Variants in TMEM230 observed in about 807,000 individuals in gnomAD.
TMEM230 encodes UPF0414 transmembrane protein C20orf30.
Under a neutral mutation model 15.8 loss-of-function variants are expected in TMEM230, and 10 were observed. That is an observed-to-expected ratio of 0.63 (90% CI 0.39 to 1.07). The LOEUF (loss-of-function observed/expected upper bound fraction) is 1.07. Among genes scored for constraint, TMEM230 ranks in the 50% least tolerant of loss-of-function variants. TMEM230 has a pLI of 0.01. For synonymous variants in TMEM230, 67 were observed against 76.9 expected, an observed-to-expected ratio of 0.87 and a Z score of 0.68; for missense variants, 165 against 193.3, an observed-to-expected ratio of 0.85 and a Z score of 0.87.
chr20:5,069,391 G>T, intron 3 of TMEM230: 1 of 1,506,740 alleles, frequency 6.6e-7, no homozygotes, highest in African/African-American at 1.4e-5. Context: ...CACAAGTTCT[G>T]CCTCTTCAAC....
chr20:5,095,471 C>T (rs2089639907), downstream of TMEM230, among the ~76,000 whole-genome samples: 1 of 152,194 alleles, frequency 6.6e-6, no homozygotes, highest in Non-Finnish European at 1.5e-5. Flanking sequence ...ATGATCTTCA[C>T]AAAGTCTTCC....
At chr20:5,064,047 A>T (rs948161495), downstream of TMEM230, among the ~76,000 whole-genome samples, 9 of 151,992 alleles carry the variant, frequency 5.9e-5, no homozygotes, top group African/African-American at 1.9e-4. Flanking sequence ...CAGGTGGATC[A>T]CCTGAGGTCA....
intron 3 of TMEM230, among the ~76,000 whole-genome samples, chr20:5,091,277 A>G (rs755819340): frequency 3.3e-5 from 5 of 151,938 alleles, no homozygotes; most frequent in Non-Finnish European, 7.4e-5. Flanking sequence ...CTGGAGTGCA[A>G]TGGGCTCACG....
At chr20:5,109,503 G>A in intron 2 of TMEM230, 58 bp from the exon 2 acceptor site, 1 of 1,324,168 alleles carries the variant, frequency 7.6e-7, no homozygotes, top group East Asian at 2.4e-5. Flanking sequence ...GTGCATTATA[G>A]CCAATGAGTT....
chr20:5,071,631 A>C (rs1042878857), intron 3 of TMEM230, among the ~76,000 whole-genome samples: 8 of 12,856 alleles, frequency 6.2e-4, no homozygotes, highest in Non-Finnish European at 1.8e-3. Context: ...CTCAAAAAAA[A>C]AAAAAAACAA....
intron 4 of TMEM230, among the ~76,000 whole-genome samples, chr20:5,103,279 T>C (rs952582862): frequency 5.9e-5 from 9 of 151,380 alleles, no homozygotes; most frequent in Admixed American, 6.6e-5. Flanking sequence ...CTGGGCAACA[T>C]AATGAGATCT....
chr20:5,095,760 C>A (rs1162142428), downstream of TMEM230, among the ~76,000 whole-genome samples: 1 of 152,146 alleles, frequency 6.6e-6, no homozygotes, highest in African/African-American at 2.4e-5. Context: ...AATGCAGATA[C>A]CGATTTAGGA....
downstream of TMEM230, among the ~76,000 whole-genome samples, chr20:5,065,184 C>T (rs779148629): frequency 5.3e-5 from 8 of 151,642 alleles, no homozygotes; most frequent in East Asian, 1.9e-4. Context: ...TTTGGGAGGC[C>T]GAGGTGGGAA....
chr20:5,071,654 G>C (rs757163781), intron 3 of TMEM230, among the ~76,000 whole-genome samples: 5 of 149,598 alleles, frequency 3.3e-5, no homozygotes, highest in Non-Finnish European at 7.4e-5. Context: ...AGGGTACATA[G>C]ATTTATAGTT....
chr20:5,079,824 G>A (rs1042867642), intron 3 of TMEM230, among the ~76,000 whole-genome samples: 7 of 151,990 alleles, frequency 4.6e-5, no homozygotes, highest in Non-Finnish European at 1.5e-5. Context: ...GTGCGATCCT[G>A]GCTCACTGCA....
intron 1 of TMEM230, chr20:5,112,698 C>A: frequency 5.6e-6 from 8 of 1,417,358 alleles, no homozygotes; most frequent in Non-Finnish European, 7.4e-6. Flanking sequence ...ACGTTTGGCA[C>A]ACAGTGCCTG....
At chr20:5,096,663 T>C (rs2089673144), downstream of TMEM230, among the ~76,000 whole-genome samples, 1 of 152,164 alleles carries the variant, frequency 6.6e-6, no homozygotes, top group African/African-American at 2.4e-5. Flanking sequence ...GGCAGAGGCA[T>C]GACTGACCAG....
At chr20:5,061,205 CAT>C in the TMEM230 span, 1 of 152,142 alleles carries the variant, frequency 6.6e-6, no homozygotes, top group East Asian at 1.9e-4. Flanking sequence ...TCATTTTCAA[CAT>C]AGACTTGTAG....
Position 5,101,214 on chromosome 20 carries a change from C to T in TMEM230, c.412-283G>A, listed in dbSNP as rs149245638. ...TTGTGAACACACCATACTCTGTGTC[C>T]TGTGGCCAATATTATTAAAACCTTT... On this transcript the variant is annotated intron_variant, in intron 4 of 4. Transcript: ENST00000342308. 1.2e-3 allele frequency among the ~76,000 whole-genome samples: 188 copies of T among 152,088 alleles called. 1 individual carries two copies. Among genetic ancestry groups the T allele is most frequent in the African/African-American group, 4.4e-3 (181 of 41,476 alleles).
chr20:5,067,437 A>ATATATATG (rs2088682753), downstream of TMEM230: 1 of 34,906 alleles, frequency 2.9e-5, no homozygotes, highest in Admixed American at 3.3e-4. Flanking sequence ...ATATATATAT[A>ATATATATG]TATATATATA....
At chr20:5,088,362 CT>C (rs1337279635) in intron 3 of TMEM230, among the ~76,000 whole-genome samples, 1 of 151,860 alleles carries the variant, frequency 6.6e-6, no homozygotes, top group African/African-American at 2.4e-5. Context: ...ACCAACCTCC[CT>C]TAAAAGGGAA....
the TMEM230 span, among the ~76,000 whole-genome samples, chr20:5,062,463 C>T: frequency 3.3e-5 from 5 of 151,518 alleles, no homozygotes; most frequent in Non-Finnish European, 1.5e-5. Flanking sequence ...TTGTTTAAAT[C>T]AGTAGTCCTA....
At chr20:5,081,451 C>T (rs2089171449) in intron 3 of TMEM230, among the ~76,000 whole-genome samples, 1 of 152,204 alleles carries the variant, frequency 6.6e-6, no homozygotes, top group South Asian at 2.1e-4. Context: ...GGTTCTCACG[C>T]ACCCCGGCGG....
At chr20:5,086,959 G>A (rs6084996) in intron 3 of TMEM230, among the ~76,000 whole-genome samples, 5,477 of 152,040 alleles carry the variant, frequency 0.036, 133 homozygotes, top group Middle Eastern at 0.071. Flanking sequence ...TTGGAGCCTC[G>A]ACCTCCCAGG....
Sources: allele counts gnomAD v4.1 joint callset (sites outside exome capture counted in the v4.1 genomes callset), GRCh38; gene constraint gnomAD v4.1.1; transcripts MANE v1.5; gene names NCBI Gene and HGNC (gene_info 2026-07-23, HGNC 2026-07-21).